The following SPMIP3 variants were observed in gnomAD, a reference collection of about 807,000 sequenced individuals.
SPMIP3 encodes the protein protein SPMIP3.
chr1:244,373,332 T>TTTATATATATATATATA, the SPMIP3 span, among the ~76,000 whole-genome samples: 4 of 85,142 alleles, frequency 4.7e-5, no homozygotes, highest in African/African-American at 1.7e-4. Context: ...CAAAAAAAAA[T>TTTATATATATATATATA]TATATATATA....
the SPMIP3 span, among the ~76,000 whole-genome samples, chr1:244,359,264 CA>C: frequency 6.6e-6 from 1 of 151,976 alleles, no homozygotes; most frequent in Admixed American, 6.6e-5. Flanking sequence ...TGGACTCAAA[CA>C]CCATTGCTAA....
the SPMIP3 span, among the ~76,000 whole-genome samples, chr1:244,374,043 G>A: frequency 2.0e-5 from 3 of 152,128 alleles, no homozygotes; most frequent in Admixed American, 2.0e-4. Context: ...AACTCAGGAG[G>A]CGGAGGTTGC....
chr1:244,358,307 G>A, the SPMIP3 span, among the ~76,000 whole-genome samples: 1 of 151,946 alleles, frequency 6.6e-6, no homozygotes, highest in African/African-American at 2.4e-5. Context: ...GTATGGGCCG[G>A]GCATAATGGC....
At chr1:244,389,169 A>G in the SPMIP3 span, 1 of 825,016 alleles carries the variant, frequency 1.2e-6, no homozygotes, top group Non-Finnish European at 2.0e-6. Flanking sequence ...GTGTATACAG[A>G]TGGCTATAAT....
chr1:244,360,013 G>T, the SPMIP3 span, among the ~76,000 whole-genome samples: 1 of 152,010 alleles, frequency 6.6e-6, no homozygotes, highest in Non-Finnish European at 1.5e-5. Flanking sequence ...GGAGGCTGAG[G>T]CAGGAGAATC....
chr1:244,371,880 C>T, the SPMIP3 span, among the ~76,000 whole-genome samples: 1 of 152,238 alleles, frequency 6.6e-6, no homozygotes, highest in Non-Finnish European at 1.5e-5. Context: ...CCTCTCTCTT[C>T]TTATGACTTA....
the SPMIP3 span, among the ~76,000 whole-genome samples, chr1:244,368,598 C>G: frequency 6.6e-6 from 1 of 152,220 alleles, no homozygotes; most frequent in African/African-American, 2.4e-5. Flanking sequence ...GATTACCATT[C>G]CTGGTAGGCC....
At chr1:244,373,839 T>C in the SPMIP3 span, among the ~76,000 whole-genome samples, 15 of 151,826 alleles carry the variant, frequency 9.9e-5, no homozygotes, top group South Asian at 6.2e-4. Flanking sequence ...TCTGGCCGGG[T>C]GCAGTGGCTC....
the SPMIP3 span, among the ~76,000 whole-genome samples, chr1:244,369,129 C>A: frequency 6.6e-6 from 1 of 152,042 alleles, no homozygotes; most frequent in Non-Finnish European, 1.5e-5. Flanking sequence ...CACTGCACTC[C>A]AGCCTGGCGA....
the SPMIP3 span, among the ~76,000 whole-genome samples, chr1:244,374,357 T>C: frequency 6.6e-6 from 1 of 152,058 alleles, no homozygotes; most frequent in East Asian, 1.9e-4. Flanking sequence ...CGAGTCCCCC[T>C]CCCAGGCTTG....
the SPMIP3 span, chr1:244,378,341 G>GT: frequency 1.1e-6 from 1 of 916,870 alleles, no homozygotes; most frequent in Admixed American, 2.6e-5. Flanking sequence ...TCGCAGAGCT[G>GT]TGGGAGTCTT....
the SPMIP3 span, among the ~76,000 whole-genome samples, chr1:244,388,361 A>T: frequency 1.3e-5 from 2 of 152,106 alleles, no homozygotes; most frequent in African/African-American, 2.4e-5. Context: ...ATATACTTAA[A>T]GCCTTTGAGT....
At chr1:244,372,530 A>G in the SPMIP3 span, among the ~76,000 whole-genome samples, 7 of 146,954 alleles carry the variant, frequency 4.8e-5, no homozygotes, top group South Asian at 2.1e-4. Flanking sequence ...TGCAAGCCCC[A>G]CCTTCCAGGT....
chr1:244,363,528 A>G, the SPMIP3 span, among the ~76,000 whole-genome samples: 1 of 152,220 alleles, frequency 6.6e-6, no homozygotes, highest in African/African-American at 2.4e-5. Flanking sequence ...CTTACAAAAA[A>G]TCCTCAGAAG....
At chr1:244,378,330 G>A in the SPMIP3 span, 1 of 814,758 alleles carries the variant, frequency 1.2e-6, no homozygotes, top group Non-Finnish European at 1.9e-6. Flanking sequence ...GCCAGGGCTG[G>A]TCGCAGAGCT....
the SPMIP3 span, among the ~76,000 whole-genome samples, chr1:244,379,272 G>A: frequency 6.9e-6 from 1 of 145,876 alleles, no homozygotes. Context: ...TCGCTATGTT[G>A]CCCAGGCTGG....
At chr1:244,383,546 A>C in the SPMIP3 span, among the ~76,000 whole-genome samples, 1 of 152,204 alleles carries the variant, frequency 6.6e-6, no homozygotes, top group African/African-American at 2.4e-5. Flanking sequence ...ACCTGCCTTA[A>C]ATGCTATAAG....
the SPMIP3 span, among the ~76,000 whole-genome samples, chr1:244,373,332 T>TTATATATATATATA: frequency 2.5e-4 from 21 of 85,198 alleles, no homozygotes; most frequent in East Asian, 1.4e-3. Flanking sequence ...CAAAAAAAAA[T>TTATATATATATATA]TATATATATA....
At chr1:244,360,883 CAA>C in the SPMIP3 span, among the ~76,000 whole-genome samples, 1 of 138,048 alleles carries the variant, frequency 7.2e-6, no homozygotes, top group African/African-American at 2.7e-5. Flanking sequence ...GACTCCGTCT[CAA>C]AAAAAAAAAA....
Sources: allele counts gnomAD v4.1 joint callset (sites outside exome capture counted in the v4.1 genomes callset), GRCh38; gene constraint gnomAD v4.1.1; transcripts MANE v1.5; gene names NCBI Gene and HGNC (gene_info 2026-07-23, HGNC 2026-07-21).